Variants in IL1RAPL2 observed in about 807,000 individuals in gnomAD.
IL1RAPL2 encodes X-linked interleukin-1 receptor accessory protein-like 2.
IL1RAPL2 carries 3 observed loss-of-function variants against 44.1 expected under a neutral mutation model. That is an observed-to-expected ratio of 0.07 (90% confidence interval 0.03 to 0.18). The LOEUF (loss-of-function observed/expected upper bound fraction) is 0.18, where lower values mean the gene tolerates loss of function less well. Ranked by LOEUF, IL1RAPL2 falls within the 10% of genes least tolerant of loss-of-function variation. IL1RAPL2 has a pLI of 1.00. For synonymous variants in IL1RAPL2, 181 were observed against 178.8 expected (o/e 1.01, Z -0.10); for missense variants, 391 against 496.4 (o/e 0.79, Z 2.02).
chrX:105,727,364 A>ATGT (rs1255221440), intron 7 of IL1RAPL2, among the ~76,000 whole-genome samples: 1 of 111,887 alleles, frequency 8.9e-6, no homozygotes, highest in African/African-American at 3.2e-5. Flanking sequence ...TCTTATCTGA[A>ATGT]TGTTATGTTA....
intron 6 of IL1RAPL2, among the ~76,000 whole-genome samples, chrX:105,506,705 T>C (rs988819840): frequency 2.1e-4 from 23 of 111,620 alleles, no homozygotes; most frequent in African/African-American, 7.2e-4. Context: ...TACATCACCA[T>C]GGAAAAGTCT....
chrX:104,738,300 G>T (rs902277370), intron 2 of IL1RAPL2, among the ~76,000 whole-genome samples: 20 of 112,181 alleles, frequency 1.8e-4, no homozygotes, highest in Admixed American at 3.8e-4. Flanking sequence ...CTAATAGATG[G>T]GTAGAGAGAG....
At chrX:104,977,396 C>T (rs140282848) in intron 2 of IL1RAPL2, among the ~76,000 whole-genome samples, 8 of 112,002 alleles carry the variant, frequency 7.1e-5, no homozygotes, top group East Asian at 2.8e-4. Context: ...TATGGCTTTG[C>T]GGTGTTAGCA....
chrX:105,405,714 T>G, intron 5 of IL1RAPL2: 3 of 962,657 alleles, frequency 3.1e-6, no homozygotes, highest in Non-Finnish European at 4.5e-6. Flanking sequence ...CTTAAATGAA[T>G]ATGACTGATT....
intron 3 of IL1RAPL2, among the ~76,000 whole-genome samples, chrX:105,212,349 G>A (rs144766045): frequency 0.015 from 1,684 of 112,085 alleles, 25 homozygotes; most frequent in Non-Finnish European, 0.022. Flanking sequence ...AGGCTGGGAG[G>A]TATGGACTGG....
At chrX:105,285,478 C>G (rs370027305) in intron 5 of IL1RAPL2, among the ~76,000 whole-genome samples, 3 of 111,622 alleles carry the variant, frequency 2.7e-5, no homozygotes, top group African/African-American at 9.8e-5. Flanking sequence ...TTGATTTAGC[C>G]AGTAATATTT....
chrX:104,633,880 T>C (rs1470080772), intron 1 of IL1RAPL2, among the ~76,000 whole-genome samples: 1 of 111,735 alleles, frequency 8.9e-6, no homozygotes, highest in Non-Finnish European at 1.9e-5. Context: ...TCTTGCCTTC[T>C]GCTAGCTTTT....
At chrX:105,576,607 T>C (rs1477600062) in intron 6 of IL1RAPL2, among the ~76,000 whole-genome samples, 4 of 111,383 alleles carry the variant, frequency 3.6e-5, no homozygotes, top group Non-Finnish European at 7.5e-5. Flanking sequence ...GAAGAACTTA[T>C]ATTCTTCTAG....
At chrX:104,821,499 G>A (rs1921302409) in intron 2 of IL1RAPL2, among the ~76,000 whole-genome samples, 1 of 111,046 alleles carries the variant, frequency 9.0e-6, no homozygotes, top group South Asian at 3.8e-4. Context: ...TGTGGTGTTT[G>A]GTTTTCTATT....
chrX:105,427,944 A>G (rs1305972332), intron 5 of IL1RAPL2, among the ~76,000 whole-genome samples: 1 of 111,884 alleles, frequency 8.9e-6, no homozygotes, highest in East Asian at 2.8e-4. Flanking sequence ...AAGGATTCTA[A>G]TTTAAAATAT....
chrX:105,010,027 G>T (rs1345721545), intron 2 of IL1RAPL2, among the ~76,000 whole-genome samples: 1 of 110,795 alleles, frequency 9.0e-6, no homozygotes, highest in Non-Finnish European at 1.9e-5. Context: ...TCTTGTGTCT[G>T]TAAGGGTTTT....
intron 1 of IL1RAPL2, among the ~76,000 whole-genome samples, chrX:104,635,980 AC>A (rs2148014039): frequency 9.1e-6 from 1 of 110,325 alleles, no homozygotes; most frequent in Admixed American, 9.7e-5. Context: ...GTTTTTATCT[AC>A]CTTTGGTCTT....
chrX:104,807,897 T>A (rs1213622999), intron 2 of IL1RAPL2, among the ~76,000 whole-genome samples: 2 of 111,974 alleles, frequency 1.8e-5, no homozygotes, highest in Non-Finnish European at 3.8e-5. Context: ...ACAGCACTTA[T>A]GTGTTAATTC....
chrX:105,091,666 T>G lies in IL1RAPL2; in HGVS notation c.83-103809T>G, dbSNP rs187512910. On this transcript the variant is annotated intron_variant, in intron 2 of 10. Transcript: ENST00000372582. ...ATTATGTTAACCATATAGTCTTCTA[T>G]TTTTTCATAATACTTATCAGAATTT... is the stretch of plus-strand genomic sequence containing the variant. Among the ~76,000 whole-genome samples, 606 of 112,118 alleles carry G rather than the reference T, an allele frequency of 5.4e-3. 7 individuals carry two copies. Among genetic ancestry groups the G allele is most frequent in the African/African-American group, 0.019 (582 of 30,886 alleles).
intron 6 of IL1RAPL2, among the ~76,000 whole-genome samples, chrX:105,527,111 G>A (rs2036599732): frequency 9.0e-6 from 1 of 111,256 alleles, no homozygotes; most frequent in Admixed American, 9.6e-5. Flanking sequence ...CTCCTAGTCT[G>A]TTTAACGTGG....
chrX:105,477,256 A>G (rs1011065382), intron 5 of IL1RAPL2, among the ~76,000 whole-genome samples: 2 of 111,773 alleles, frequency 1.8e-5, no homozygotes, highest in African/African-American at 6.5e-5. Context: ...TTGAATAATC[A>G]TGATTTTTCT....
chrX:105,704,652 T>A (rs2038148113), intron 6 of IL1RAPL2, among the ~76,000 whole-genome samples: 1 of 111,433 alleles, frequency 9.0e-6, no homozygotes. Flanking sequence ...CTGGGGTACA[T>A]GTGCTGGATG....
At chrX:104,957,743 C>A (rs188758015) in intron 2 of IL1RAPL2, among the ~76,000 whole-genome samples, 31 of 111,457 alleles carry the variant, frequency 2.8e-4, no homozygotes, top group African/African-American at 8.5e-4. Flanking sequence ...ATATCCAAGG[C>A]AGGTCTATCG....
intron 3 of IL1RAPL2, among the ~76,000 whole-genome samples, chrX:105,232,899 A>AT (rs1396506485): frequency 2.7e-5 from 3 of 111,898 alleles, no homozygotes; most frequent in Non-Finnish European, 5.6e-5. Context: ...GTGCTGGTTG[A>AT]TACAATTAAT....
Sources: gnomAD v4.1 joint callset for allele counts (sites outside exome capture counted in the v4.1 genomes callset) on GRCh38, gnomAD v4.1.1 for gene constraint, MANE v1.5 for transcripts, NCBI Gene and HGNC (gene_info 2026-07-23, HGNC 2026-07-21) for gene names.